ANXA8: variants seen among roughly 807,000 people sequenced by gnomAD.
ANXA8 encodes annexin A8.
ANXA8 carries 9 observed loss-of-function variants against 26.8 expected under a neutral mutation model. The ratio of observed to expected loss-of-function variants is 0.34; its 90% CI spans 0.20 to 0.59. The LOEUF is 0.59. Ranked by LOEUF, ANXA8 falls within the 20% of genes least tolerant of loss-of-function variation. The pLI, the probability that ANXA8 is intolerant of heterozygous loss-of-function variation, is 0.84. For synonymous variants in ANXA8, 39 were observed against 94.8 expected (o/e 0.41, Z 3.42); for missense variants, 83 against 238.5 (o/e 0.35, Z 4.29).
At chr10:47,958,798 G>T in the ANXA8 span, among the ~76,000 whole-genome samples, 1 of 149,202 alleles carries the variant, frequency 6.7e-6, no homozygotes, top group African/African-American at 2.5e-5. Flanking sequence ...GTGTTAGCAG[G>T]AGAAATGCTG....
chr10:47,685,301 G>C, the ANXA8 span, among the ~76,000 whole-genome samples: 1 of 149,462 alleles, frequency 6.7e-6, no homozygotes, highest in Non-Finnish European at 1.5e-5. Context: ...AGCTGAGATT[G>C]TGCCATTGCA....
At chr10:47,989,182 G>A in the ANXA8 span, among the ~76,000 whole-genome samples, 1 of 140,096 alleles carries the variant, frequency 7.1e-6, no homozygotes, top group Non-Finnish European at 1.6e-5. Flanking sequence ...TACCTCCCCT[G>A]CCCTACTGAT....
chr10:47,743,297 C>CATATATATATACATATAT, the ANXA8 span, among the ~76,000 whole-genome samples: 1 of 57,072 alleles, frequency 1.8e-5, no homozygotes. Context: ...TATATATACA[C>CATATATATATACATATAT]ATATATATAT....
At chr10:47,652,455 G>A in the ANXA8 span, among the ~76,000 whole-genome samples, 1 of 151,280 alleles carries the variant, frequency 6.6e-6, no homozygotes, top group Non-Finnish European at 1.5e-5. Context: ...AAATTGGCTG[G>A]GCGTGTTGGT....
the ANXA8 span, chr10:47,501,812 C>A: frequency 3.9e-6 from 2 of 514,780 alleles, no homozygotes; most frequent in South Asian, 2.6e-5. Context: ...CACATTTTAT[C>A]TAAATACATA....
chr10:47,590,036 C>G, the ANXA8 span: 2 of 146,222 alleles, frequency 1.4e-5, no homozygotes, highest in Non-Finnish European at 1.5e-5. Flanking sequence ...CCCATTCCCC[C>G]CTGACAGGGG....
chr10:47,955,301 G>T, the ANXA8 span, among the ~76,000 whole-genome samples: 1 of 149,806 alleles, frequency 6.7e-6, no homozygotes, highest in African/African-American at 2.5e-5. Context: ...AAATTGCCCA[G>T]TCTTGGGTAT....
At chr10:47,587,793 T>G in the ANXA8 span, among the ~76,000 whole-genome samples, 1 of 146,510 alleles carries the variant, frequency 6.8e-6, no homozygotes, top group East Asian at 1.9e-4. Flanking sequence ...GGAGACAGAA[T>G]AAGAAGAAGA....
At chr10:47,969,311 G>A in the ANXA8 span, among the ~76,000 whole-genome samples, 9 of 151,588 alleles carry the variant, frequency 5.9e-5, no homozygotes, top group East Asian at 1.7e-3. Context: ...CCTCAGGTAA[G>A]ATGAGAATTA....
At chr10:47,736,388 T>C in the ANXA8 span, among the ~76,000 whole-genome samples, 1 of 77,926 alleles carries the variant, frequency 1.3e-5, no homozygotes, top group African/African-American at 5.1e-5. Flanking sequence ...GTGTGTACTT[T>C]TTTTACTCCA....
At chr10:47,954,542 C>T in the ANXA8 span, among the ~76,000 whole-genome samples, 66 of 151,278 alleles carry the variant, frequency 4.4e-4, no homozygotes, top group Non-Finnish European at 7.8e-4. Flanking sequence ...AATAAGTAAG[C>T]GTGTATAATT....
At chr10:47,948,027 A>C in the ANXA8 span, among the ~76,000 whole-genome samples, 193 of 150,804 alleles carry the variant, frequency 1.3e-3, 6 homozygotes, top group East Asian at 9.6e-3. Context: ...AGATCCCAGA[A>C]AAGTCATGTC....
chr10:47,676,483 G>A, the ANXA8 span, among the ~76,000 whole-genome samples: 1 of 151,874 alleles, frequency 6.6e-6, no homozygotes, highest in South Asian at 2.1e-4. Context: ...AGACACATTA[G>A]TTATGTGAGA....
the ANXA8 span, chr10:47,696,312 G>T: frequency 7.1e-6 from 3 of 421,432 alleles, no homozygotes; most frequent in Non-Finnish European, 1.3e-5. Flanking sequence ...TGGTATATGG[G>T]AGGCATGCAT....
the ANXA8 span, among the ~76,000 whole-genome samples, chr10:47,593,236 C>A: frequency 6.7e-6 from 1 of 148,882 alleles, no homozygotes; most frequent in Non-Finnish European, 1.5e-5. Context: ...GAGATGTAAT[C>A]CTCAGTGTGG....
At chr10:47,554,450 A>G in the ANXA8 span, among the ~76,000 whole-genome samples, 1 of 150,744 alleles carries the variant, frequency 6.6e-6, no homozygotes, top group African/African-American at 2.5e-5. Context: ...TCCCTGAGGG[A>G]AGGTAGCATC....
At chr10:47,535,199 C>T in the ANXA8 span, among the ~76,000 whole-genome samples, 1 of 133,706 alleles carries the variant, frequency 7.5e-6, no homozygotes, top group Non-Finnish European at 1.5e-5. Context: ...TTCTCAAACT[C>T]CTGACCTCAG....
At chr10:47,943,570 C>T in the ANXA8 span, among the ~76,000 whole-genome samples, 3 of 149,486 alleles carry the variant, frequency 2.0e-5, no homozygotes, top group Non-Finnish European at 3.0e-5. Context: ...TTCCAGCCCT[C>T]CTGTGTTCAT....
upstream of ANXA8, among the ~76,000 whole-genome samples, chr10:47,488,713 A>ATTTT (rs1160121365): frequency 0.024 from 1,488 of 62,178 alleles, 102 homozygotes; most frequent in East Asian, 0.031. Flanking sequence ...TACATGTTAA[A>ATTTT]TTTTTTTTTT....
Sources: allele counts gnomAD v4.1 joint callset (sites outside exome capture counted in the v4.1 genomes callset), GRCh38; gene constraint gnomAD v4.1.1; transcripts MANE v1.5; gene names NCBI Gene and HGNC (gene_info 2026-07-23, HGNC 2026-07-21).